BPTF: variants seen among roughly 807,000 people sequenced by gnomAD.
The protein encoded by BPTF is bromodomain PHD finger transcription factor.
In BPTF, 18 loss-of-function variants were observed where a neutral mutation model predicts 292.5. That is an observed-to-expected ratio of 0.06 (90% CI 0.04 to 0.09). BPTF has a LOEUF of 0.09. Ranked by LOEUF, BPTF falls within the 10% of genes least tolerant of loss-of-function variation. BPTF has a pLI of 1.00. For synonymous variants in BPTF, 1,225 were observed against 1,251.9 expected (o/e 0.98, Z 0.45); for missense variants, 2,726 against 3,498.7 (o/e 0.78, Z 5.57).
intron 21 of BPTF, 108 bp downstream of exon 21, chr17:67,946,433 A>G (rs1311701623): frequency 1.4e-6 from 2 of 1,462,164 alleles, no homozygotes; most frequent in African/African-American, 2.9e-5. Flanking sequence ...CAAAGTCATT[A>G]ATGTTTAAAT....
chr17:67,898,141 G>A (rs1209956381), intron 7 of BPTF, among the ~76,000 whole-genome samples: 1 of 152,176 alleles, frequency 6.6e-6, no homozygotes, highest in Non-Finnish European at 1.5e-5. Flanking sequence ...AGGCCAAGGC[G>A]AGTGGATCAC....
At chr17:67,976,153 T>G (rs1599047153) in intron 27 of BPTF, 195 bp downstream of exon 27, 2 of 445,078 alleles carry the variant, frequency 4.5e-6, no homozygotes, top group East Asian at 7.7e-5. Context: ...GGTTTGTTGT[T>G]GATCTACTTA....
chr17:67,868,700 A>T (rs1212797058), intron 3 of BPTF, among the ~76,000 whole-genome samples: 1 of 152,150 alleles, frequency 6.6e-6, no homozygotes, highest in Non-Finnish European at 1.5e-5. Context: ...TAATCCTATT[A>T]ATTTTCCCCA....
chr17:67,865,630 T>G (rs2059350341), intron 2 of BPTF, among the ~76,000 whole-genome samples: 1 of 152,226 alleles, frequency 6.6e-6, no homozygotes, highest in Non-Finnish European at 1.5e-5. Flanking sequence ...TCAGGCTCAC[T>G]CTCATCGAGT....
intron 6 of BPTF, 24 bp downstream of exon 6, chr17:67,893,749 A>G: frequency 6.9e-7 from 1 of 1,449,014 alleles, no homozygotes. Context: ...AGGTTAATTT[A>G]TTGCTGTAAA....
intron 18 of BPTF, among the ~76,000 whole-genome samples, chr17:67,934,887 A>AG (rs1568114342): frequency 1.3e-5 from 2 of 151,556 alleles, no homozygotes; most frequent in Non-Finnish European, 2.9e-5. Context: ...AAAAAAAAAA[A>AG]AAGCATGTAA....
intron 4 of BPTF, among the ~76,000 whole-genome samples, chr17:67,886,518 T>C (rs1364714809): frequency 6.6e-6 from 1 of 152,090 alleles, no homozygotes; most frequent in African/African-American, 2.4e-5. Flanking sequence ...TTGCACTCAA[T>C]GTTTTTGTTT....
At chr17:67,923,155 G>C (rs541746925) in intron 14 of BPTF, among the ~76,000 whole-genome samples, 165 bp downstream of exon 14, 2 of 148,274 alleles carry the variant, frequency 1.3e-5, no homozygotes, top group African/African-American at 2.5e-5. Flanking sequence ...TCCCAGGCTC[G>C]AGTGATCCTC....
At chr17:67,907,482 A>G (rs2062306488) in intron 9 of BPTF, among the ~76,000 whole-genome samples, 1 of 151,904 alleles carries the variant, frequency 6.6e-6, no homozygotes, top group Middle Eastern at 3.4e-3. Flanking sequence ...CAGCCTCCCA[A>G]ATAGCTGGGA....
rs782041475 is a variant in BPTF, at chr17:67,964,339, A to G, written c.8389A>G (p.Thr2797Ala). ...PQCQSTEDAM[T>A]VLTPLTEKDY... The stretch of plus-strand genomic sequence containing the variant: ...GTGCCAGTCAACAGAGGATGCCATG[A>G]CAGTGCTCACGCCACTAACAGAGAA... Residue 2797 changes from threonine (T) to alanine (A), a missense_variant, in exon 25 of 28, where the codon ACA becomes GCA. Around this residue, in one of 22 missense-constraint regions of BPTF, gnomAD observed 48 missense variants for 114.2 expected, o/e 0.42. Transcript: ENST00000306378. 1.2e-6 allele frequency: 2 copies of G among 1,614,214 alleles called. No individual in the cohort carries two copies. The highest frequency in any genetic ancestry group is 1.7e-6 in the Non-Finnish European group (2 of 1,180,036).
intron 14 of BPTF, 148 bp from the exon 15 acceptor site, chr17:67,924,399 G>T: frequency 1.2e-6 from 1 of 809,066 alleles, no homozygotes. Flanking sequence ...ACAGGCATGA[G>T]CCACCTCGCA....
intron 4 of BPTF, among the ~76,000 whole-genome samples, chr17:67,883,126 A>G (rs1223278724): frequency 6.6e-6 from 1 of 152,078 alleles, no homozygotes; most frequent in Non-Finnish European, 1.5e-5. Context: ...CAGCCTGGCC[A>G]TTATAGTGAA....
intron 1 of BPTF, among the ~76,000 whole-genome samples, chr17:67,829,812 G>C (rs1235636577): frequency 1.3e-5 from 2 of 152,116 alleles, no homozygotes; most frequent in South Asian, 2.1e-4. Flanking sequence ...AAGTACTGAC[G>C]TGACATTCCT....
chr17:67,875,006 A>G lies in BPTF; in HGVS notation c.1850A>G (p.Gln617Arg), dbSNP rs777162730. ...AAAACACCAGATGATGACCCTGAGC[A>G]AGGAAAATCTGAGGGTAAAAAAATT... Reference protein sequence around the residue: ...DDKTPDDDPEQGKSEVGDFKS... With the variant: ...DDKTPDDDPERGKSEVGDFKS... The change falls in exon 4 of 28, where the codon CAA becomes CGA. Residue 617 changes from glutamine to arginine, a missense_variant. Physicochemically the swap from Gln to Arg is conservative, Grantham distance 43 (BLOSUM62 1). Around this residue, in one of 22 missense-constraint regions of BPTF, gnomAD observed 187 missense variants for 201.5 expected, o/e 0.93. Coordinates refer to ENST00000306378, the MANE Select transcript of BPTF (RefSeq NM_182641.4). 5 of 1,606,406 alleles carry G rather than the reference A, an allele frequency of 3.1e-6. No homozygotes were observed. The African/African-American group carries it at 5.4e-5, about 17-fold the overall frequency.
At chr17:67,884,208 G>T (rs1445342693) in intron 4 of BPTF, among the ~76,000 whole-genome samples, 1 of 147,484 alleles carries the variant, frequency 6.8e-6, no homozygotes, top group East Asian at 2.0e-4. Context: ...CGCAATCTCA[G>T]CTCACTGCAA....
At chr17:67,841,999 T>C (rs2057587489) in intron 1 of BPTF, among the ~76,000 whole-genome samples, 1 of 152,192 alleles carries the variant, frequency 6.6e-6, no homozygotes, top group Admixed American at 6.5e-5. Flanking sequence ...ATACCTAAAC[T>C]ATCTACTTAG....
Position 67,944,345 on chromosome 17 carries a change from A to G in BPTF, c.6673A>G (p.Thr2225Ala), listed in dbSNP as rs559796848. 133 of 1,613,654 alleles carry G rather than the reference A, an allele frequency of 8.2e-5. No individual in the cohort carries two copies. In the South Asian group the frequency reaches 1.4e-3, roughly 17 times the overall value. ...ATTATTASTTTTTVSTTAAGT... is the reference protein window; with the variant it reads ...ATTATTASTTATTVSTTAAGT... ...AACAGCCACCACAGCCAGCACCACCACCACCACTGTTTCCACGACAGCAGC... is the reference window on the plus strand; with the variant it reads ...AACAGCCACCACAGCCAGCACCACCGCCACCACTGTTTCCACGACAGCAGC... Residue 2225 changes from threonine to alanine, a missense_variant, in exon 20 of 28, where the codon ACC becomes GCC. This residue lies in a region of BPTF where 570 missense variants were observed against 633.5 expected (regional missense o/e 0.90). Coordinates refer to ENST00000306378, the MANE Select transcript of BPTF (RefSeq NM_182641.4).
intron 22 of BPTF, 37 bp downstream of exon 22, chr17:67,947,845 C>A: frequency 6.5e-7 from 1 of 1,530,128 alleles, no homozygotes; most frequent in South Asian, 1.2e-5. Flanking sequence ...CTGTCCGTCT[C>A]TTCTCTTTAT....
At chr17:67,926,316 CTTTTTTTTTT>C (rs869295387) in intron 15 of BPTF, among the ~76,000 whole-genome samples, 151 of 83,854 alleles carry the variant, frequency 1.8e-3, no homozygotes, top group East Asian at 7.0e-3. Context: ...TAATATACTA[CTTTTTTTTTT>C]TTTTTTTTTT....
Sources: gnomAD v4.1 joint callset for allele counts (sites outside exome capture counted in the v4.1 genomes callset) on GRCh38, gnomAD v4.1.1 for gene constraint, gnomAD v4.1.1 regional missense constraint, MANE v1.5 for transcripts, NCBI Gene and HGNC (gene_info 2026-07-23, HGNC 2026-07-21) for gene names.